NXPH1: variants seen among roughly 807,000 people sequenced by gnomAD.
The protein encoded by NXPH1 is neurexophilin-1.
NXPH1 carries 5 observed loss-of-function variants against 23.7 expected under a neutral mutation model. That is an observed-to-expected ratio of 0.21 (90% CI 0.11 to 0.44). NXPH1 has a LOEUF of 0.44. NXPH1 is among the 20% of genes least tolerant of loss of function. The pLI is 0.99. For missense variants in NXPH1, 324 were observed against 321.6 expected (o/e 1.01, Z -0.06); for synonymous variants, 144 against 122.2 (o/e 1.18, Z -1.18).
intron 2 of NXPH1, among the ~76,000 whole-genome samples, chr7:8,597,547 T>C (rs1311527830): frequency 6.6e-6 from 1 of 151,984 alleles, no homozygotes; most frequent in Non-Finnish European, 1.5e-5. Context: ...TTAATGTACA[T>C]TTGTATGGGG....
At chr7:8,689,093 G>A (rs778905951) in intron 2 of NXPH1, among the ~76,000 whole-genome samples, 4 of 152,208 alleles carry the variant, frequency 2.6e-5, no homozygotes, top group East Asian at 3.9e-4. Flanking sequence ...TTTAAAGCAC[G>A]TATTGTGCCA....
chr7:8,709,744 A>C (rs1384246516), intron 2 of NXPH1, among the ~76,000 whole-genome samples: 1 of 152,200 alleles, frequency 6.6e-6, no homozygotes, highest in Non-Finnish European at 1.5e-5. Context: ...TTATAGATAA[A>C]TTATTTTTCT....
intron 2 of NXPH1, among the ~76,000 whole-genome samples, chr7:8,658,064 T>G (rs2189623): frequency 0.69 from 104,322 of 152,106 alleles, 36,932 homozygotes; most frequent in East Asian, 1. Context: ...CAACACTGTT[T>G]TTTGAAGGAA....
intron 2 of NXPH1, among the ~76,000 whole-genome samples, chr7:8,709,090 C>T (rs1342204002): frequency 2.0e-5 from 3 of 152,252 alleles, no homozygotes; most frequent in Middle Eastern, 3.4e-3. Context: ...TATGATATGA[C>T]AGTATACATA....
intron 2 of NXPH1, among the ~76,000 whole-genome samples, chr7:8,520,870 G>A (rs1817760063): frequency 6.6e-6 from 1 of 152,056 alleles, no homozygotes; most frequent in Non-Finnish European, 1.5e-5. Context: ...AATTCATTCT[G>A]TCCTTATAAA....
intron 2 of NXPH1, among the ~76,000 whole-genome samples, chr7:8,530,555 C>T (rs1457914785): frequency 1.3e-5 from 2 of 152,178 alleles, no homozygotes; most frequent in Non-Finnish European, 2.9e-5. Context: ...GCAGCAGTTG[C>T]TCCAGAAGGT....
chr7:8,504,213 T>C (rs1817485145), intron 2 of NXPH1, among the ~76,000 whole-genome samples: 1 of 152,084 alleles, frequency 6.6e-6, no homozygotes, highest in South Asian at 2.1e-4. Context: ...TATTTTTCTC[T>C]TGTAGTATTG....
At chr7:8,592,275 C>T (rs1466759938) in intron 2 of NXPH1, among the ~76,000 whole-genome samples, 1 of 152,012 alleles carries the variant, frequency 6.6e-6, no homozygotes, top group Non-Finnish European at 1.5e-5. Flanking sequence ...TTGAAGAATT[C>T]AGTCACCATC....
chr7:8,483,867 T>C (rs1817114572), intron 2 of NXPH1, among the ~76,000 whole-genome samples: 1 of 152,164 alleles, frequency 6.6e-6, no homozygotes, highest in South Asian at 2.1e-4. Context: ...CTCATTGCCT[T>C]TATTAACTTT....
intron 2 of NXPH1, among the ~76,000 whole-genome samples, chr7:8,461,450 G>T (rs1235558807): frequency 6.6e-6 from 1 of 152,172 alleles, no homozygotes; most frequent in Non-Finnish European, 1.5e-5. Context: ...CTCTGAAGAT[G>T]GTATTATTAA....
chr7:8,516,369 A>T (rs1205881408), intron 2 of NXPH1, among the ~76,000 whole-genome samples: 1 of 152,160 alleles, frequency 6.6e-6, no homozygotes, highest in Non-Finnish European at 1.5e-5. Flanking sequence ...TCAATAAGAA[A>T]CCAGTTACTC....
chr7:8,565,270 C>G (rs1416247438), intron 2 of NXPH1, among the ~76,000 whole-genome samples: 1 of 151,766 alleles, frequency 6.6e-6, no homozygotes, highest in Non-Finnish European at 1.5e-5. Flanking sequence ...GTGTCAATTT[C>G]TTTTCTCTCA....
chr7:8,689,056 G>A (rs766706139), intron 2 of NXPH1, among the ~76,000 whole-genome samples: 1 of 152,230 alleles, frequency 6.6e-6, no homozygotes, highest in East Asian at 1.9e-4. Context: ...TGCTGACTGA[G>A]TATTTGCTCT....
chr7:8,469,698 G>A (rs1008340118), intron 2 of NXPH1, among the ~76,000 whole-genome samples: 2 of 152,082 alleles, frequency 1.3e-5, no homozygotes, highest in African/African-American at 4.8e-5. Context: ...GGATTGAAAT[G>A]CACACTATGA....
intron 2 of NXPH1, among the ~76,000 whole-genome samples, chr7:8,630,794 G>A (rs1820109795): frequency 6.6e-6 from 1 of 152,072 alleles, no homozygotes; most frequent in African/African-American, 2.4e-5. Context: ...TAACCTTTAA[G>A]TTCAGGGGTA....
intron 2 of NXPH1, among the ~76,000 whole-genome samples, chr7:8,643,761 T>C (rs1340067961): frequency 6.6e-6 from 1 of 152,184 alleles, no homozygotes; most frequent in East Asian, 1.9e-4. Flanking sequence ...TAGAGGTTTA[T>C]TAGAGTACCC....
chr7:8,500,418 T>G (rs1817412454), intron 2 of NXPH1, among the ~76,000 whole-genome samples: 1 of 152,088 alleles, frequency 6.6e-6, no homozygotes, highest in Admixed American at 6.6e-5. Flanking sequence ...TGAGTTTGAA[T>G]TCGAGCGTGG....
chr7:8,692,928 G>A (rs750190871), intron 2 of NXPH1, among the ~76,000 whole-genome samples: 9 of 152,162 alleles, frequency 5.9e-5, no homozygotes, highest in Non-Finnish European at 1.0e-4. Flanking sequence ...CCGCCTGTAA[G>A]TGATTCTAAG....
intron 2 of NXPH1, among the ~76,000 whole-genome samples, chr7:8,496,650 T>C (rs1306075147): frequency 6.6e-6 from 1 of 152,064 alleles, no homozygotes; most frequent in African/African-American, 2.4e-5. Flanking sequence ...ATGCAACTTC[T>C]TGGGCCCCAT....
Sources: gnomAD v4.1 joint callset for allele counts (sites outside exome capture counted in the v4.1 genomes callset) on GRCh38, gnomAD v4.1.1 for gene constraint, MANE v1.5 for transcripts, NCBI Gene and HGNC (gene_info 2026-07-23, HGNC 2026-07-21) for gene names.